NUDCD1: variants seen among roughly 807,000 people sequenced by gnomAD.
The protein encoded by NUDCD1 is NudC domain containing 1, also known as nudC domain-containing protein 1.
NUDCD1 carries 60 observed loss-of-function variants against 67.8 expected under a neutral mutation model. That is an observed-to-expected ratio of 0.88 (90% CI 0.72 to 1.10). NUDCD1 has a LOEUF of 1.10. Ranked by LOEUF, NUDCD1 falls within the 50% of genes least tolerant of loss-of-function variation. The pLI, the probability that NUDCD1 is intolerant of heterozygous loss-of-function variation, is 0.00. For synonymous variants in NUDCD1, 244 were observed against 230.8 expected (o/e 1.06, Z -0.52); for missense variants, 643 against 695.0 (o/e 0.93, Z 0.84).
intron 5 of NUDCD1, among the ~76,000 whole-genome samples, chr8:109,284,466 C>T (rs926150429): frequency 6.6e-6 from 1 of 152,104 alleles, no homozygotes; most frequent in Non-Finnish European, 1.5e-5. Flanking sequence ...CCATCAACCA[C>T]AGAATATAAA....
chr8:109,289,903 T>C lies in NUDCD1; in HGVS notation c.671A>G (p.Asp224Gly), dbSNP rs1814668603. ...TGGCACTGACTTTCCACGGAGAATA[T>C]CACGCTTAATAATTTCATATTTTTT... Reference protein sequence around the residue: ...DNKKYEIIKRDILRGKSVPHY... With the variant: ...DNKKYEIIKRGILRGKSVPHY... The change falls in exon 5 of 10, where the codon GAT becomes GGT. Residue 224 changes from aspartate (D) to glycine (G), a missense_variant. Transcript: ENST00000239690. The C allele has an allele frequency of 6.6e-7, 1 of 1,518,026 alleles. No individual in the cohort carries two copies. The highest frequency in any genetic ancestry group is 8.8e-7 in the Non-Finnish European group (1 of 1,136,096). The allele number at this position is 1,518,026 out of a possible 1,614,324, so 94.0% of individuals were successfully genotyped here. A position where few individuals can be genotyped will look rare whatever the true frequency, so the allele number is the denominator to read the frequency against.
At position 109,305,034 on chromosome 8, in the gene NUDCD1, T is replaced by C. The variant is rs553588049; in HGVS notation, c.274-8465A>G. Among the ~76,000 whole-genome samples the C allele has an allele frequency of 4.6e-5, 7 of 152,294 alleles. No individual in the cohort carries two copies. In the East Asian group the frequency reaches 1.2e-3, roughly 25 times the overall value. On this transcript the variant is annotated intron_variant, in intron 2 of 9. Coordinates refer to ENST00000239690, the MANE Select transcript of NUDCD1 (RefSeq NM_032869.4). ...AGCCACTAGCCCATCTCTTAGAATCTCTCATTTCCTTTCCATCGTGGAAAT... is the reference window on the plus strand; with the variant it reads ...AGCCACTAGCCCATCTCTTAGAATCCCTCATTTCCTTTCCATCGTGGAAAT...
intron 1 of NUDCD1, among the ~76,000 whole-genome samples, chr8:109,331,060 C>T (rs768009749): frequency 3.3e-5 from 5 of 151,950 alleles, no homozygotes. Flanking sequence ...AAAAAAAAAT[C>T]GGTCGGAGCA....
At chr8:109,302,198 T>C (rs1351951976) in intron 2 of NUDCD1, among the ~76,000 whole-genome samples, 2 of 152,114 alleles carry the variant, frequency 1.3e-5, no homozygotes, top group Admixed American at 1.3e-4. Flanking sequence ...CTGGCCCCAA[T>C]ACAAACTAAA....
intron 8 of NUDCD1, among the ~76,000 whole-genome samples, chr8:109,255,190 C>T (rs1813701501): frequency 6.6e-6 from 1 of 152,150 alleles, no homozygotes; most frequent in Non-Finnish European, 1.5e-5. Flanking sequence ...CCTGGCTAGA[C>T]ACTAGTTCAG....
chr8:109,262,936 T>A (rs1813899839), intron 8 of NUDCD1, among the ~76,000 whole-genome samples: 1 of 150,218 alleles, frequency 6.7e-6, no homozygotes, highest in Non-Finnish European at 1.5e-5. Flanking sequence ...GCACCTGTAA[T>A]CCCAGCTACT....
chr8:109,270,321 CTT>C (rs1310838682), intron 8 of NUDCD1, among the ~76,000 whole-genome samples: 1 of 150,546 alleles, frequency 6.6e-6, no homozygotes, highest in East Asian at 1.9e-4. Flanking sequence ...CATAAAATAA[CTT>C]GACAGTAAAA....
chr8:109,262,464 C>T (rs1813883002), intron 8 of NUDCD1, among the ~76,000 whole-genome samples: 1 of 152,198 alleles, frequency 6.6e-6, no homozygotes, highest in Non-Finnish European at 1.5e-5. Context: ...TCCCCTCACC[C>T]ATCACTCACC....
At chr8:109,244,575 T>C (rs1813450865) in intron 9 of NUDCD1, among the ~76,000 whole-genome samples, 1 of 152,146 alleles carries the variant, frequency 6.6e-6, no homozygotes, top group Admixed American at 6.5e-5. Context: ...AATTAATAAA[T>C]TTCTTCTACA....
intron 2 of NUDCD1, among the ~76,000 whole-genome samples, chr8:109,308,633 A>G (rs923288278): frequency 2.0e-5 from 3 of 152,150 alleles, no homozygotes; most frequent in Non-Finnish European, 4.4e-5. Flanking sequence ...TCAGTAAGAA[A>G]CAAAATGGGA....
At chr8:109,304,435 G>A (rs554380839) in intron 2 of NUDCD1, among the ~76,000 whole-genome samples, 45 of 152,208 alleles carry the variant, frequency 3.0e-4, no homozygotes, top group Non-Finnish European at 6.0e-4. Flanking sequence ...ACCAGCAAAA[G>A]CAGGCTATGC....
At chr8:109,309,956 C>A (rs2926259) in intron 2 of NUDCD1, among the ~76,000 whole-genome samples, 96,752 of 151,784 alleles carry the variant, frequency 0.64, 32,288 homozygotes, top group African/African-American at 0.84. Context: ...GAAAACTACA[C>A]AACATTGCTG....
intron 5 of NUDCD1, among the ~76,000 whole-genome samples, chr8:109,288,348 G>C (rs1294370566): frequency 1.3e-5 from 2 of 152,108 alleles, no homozygotes; most frequent in Admixed American, 1.3e-4. Flanking sequence ...CTATTCCCTC[G>C]AGATTGCTTA....
At chr8:109,310,962 C>T (rs770341422) in intron 2 of NUDCD1, among the ~76,000 whole-genome samples, 5 of 151,576 alleles carry the variant, frequency 3.3e-5, no homozygotes, top group Non-Finnish European at 7.4e-5. Flanking sequence ...ACTACAGGCG[C>T]ACGCCACCAC....
intron 5 of NUDCD1, among the ~76,000 whole-genome samples, chr8:109,283,420 T>C (rs1042539497): frequency 2.0e-5 from 3 of 152,068 alleles, no homozygotes; most frequent in African/African-American, 2.4e-5. Flanking sequence ...AGGTAGACAT[T>C]CAGGTATAAG....
intron 8 of NUDCD1, among the ~76,000 whole-genome samples, chr8:109,270,044 GT>G: frequency 9.2e-6 from 1 of 108,916 alleles, no homozygotes; most frequent in Admixed American, 1.3e-4. Flanking sequence ...TGTAAAAAGA[GT>G]GTAATTTTGA....
chr8:109,322,260 G>C (rs1468203129), intron 2 of NUDCD1, 49 bp downstream of exon 2: 2 of 964,984 alleles, frequency 2.1e-6, no homozygotes, highest in African/African-American at 3.3e-5. Context: ...TATCAAATTT[G>C]CTTGATATTA....
intron 4 of NUDCD1, among the ~76,000 whole-genome samples, chr8:109,291,994 C>A (rs1271244666): frequency 1.3e-5 from 2 of 151,996 alleles, no homozygotes; most frequent in Non-Finnish European, 2.9e-5. Context: ...AAACTAGGAC[C>A]CTTGAGCCAA....
chr8:109,259,806 C>A (rs2129910635), intron 8 of NUDCD1, among the ~76,000 whole-genome samples: 1 of 152,256 alleles, frequency 6.6e-6, no homozygotes, highest in South Asian at 2.1e-4. Context: ...TAAAGATTTT[C>A]ATGATAAGTT....
Sources: gnomAD v4.1 joint callset for allele counts (sites outside exome capture counted in the v4.1 genomes callset) on GRCh38, gnomAD v4.1.1 for gene constraint, MANE v1.5 for transcripts, NCBI Gene and HGNC (gene_info 2026-07-23, HGNC 2026-07-21) for gene names.